The following HTR2C variants were observed in gnomAD, a reference collection of about 807,000 sequenced individuals.
HTR2C encodes 5-hydroxytryptamine receptor 2C, also known as 5-hydroxytryptamine (serotonin) receptor 2C, G protein-coupled.
HTR2C carries 5 observed loss-of-function variants against 21.0 expected under a neutral mutation model. The ratio of observed to expected loss-of-function variants is 0.24; its 90% CI spans 0.12 to 0.50. HTR2C has a LOEUF of 0.50. Among genes scored for constraint, HTR2C ranks in the 20% least tolerant of loss-of-function variants. The pLI is 0.98. For missense variants in HTR2C, 271 were observed against 371.2 expected, an observed-to-expected ratio of 0.73 and a Z score of 2.22; for synonymous variants, 150 against 145.3, an observed-to-expected ratio of 1.03 and a Z score of -0.23.
At chrX:114,701,740 G>T (rs949226261) in intron 2 of HTR2C, among the ~76,000 whole-genome samples, 4 of 112,116 alleles carry the variant, frequency 3.6e-5, no homozygotes, top group East Asian at 2.8e-4. Flanking sequence ...AGAGAAGAAG[G>T]CTTCAGACGA....
chrX:114,814,886 ATATAT>A (rs1170571820), intron 4 of HTR2C, among the ~76,000 whole-genome samples: 6 of 101,612 alleles, frequency 5.9e-5, no homozygotes, highest in Non-Finnish European at 9.9e-5. Context: ...ACTATAGAAT[ATATAT>A]TATAATATTA....
At chrX:114,795,170 G>A (rs1556444822) in intron 4 of HTR2C, among the ~76,000 whole-genome samples, 1 of 110,755 alleles carries the variant, frequency 9.0e-6, no homozygotes, top group African/African-American at 3.3e-5. Context: ...CTGCATAAAT[G>A]TCTTCTTTTG....
intron 2 of HTR2C, among the ~76,000 whole-genome samples, chrX:114,620,988 C>T (rs1239000370): frequency 8.9e-6 from 1 of 111,818 alleles, no homozygotes; most frequent in Non-Finnish European, 1.9e-5. Context: ...TCAGGTGATT[C>T]TCCTGCCTCA....
At chrX:114,822,250 AT>A (rs782743270) in intron 4 of HTR2C, among the ~76,000 whole-genome samples, 71 of 112,287 alleles carry the variant, frequency 6.3e-4, no homozygotes, top group Middle Eastern at 9.2e-3. Flanking sequence ...TCTCTTGTAA[AT>A]AAAATACCAG....
rs1556405752 is a variant in HTR2C at position 114,638,522 on chromosome X, A to ATTTATT, written c.-80+24644_-80+24645insATTTTT. Among the ~76,000 whole-genome samples, 4 of 22,056 alleles carry ATTTATT rather than the reference A, an allele frequency of 1.8e-4. No homozygotes were observed. The Admixed American group carries it at 2.6e-3, about 14-fold the overall frequency. 19.2% of individuals were successfully genotyped at this position (22,056 alleles called of 115,157 possible). ...ACGTTTATTTATTTATTTATTTATT[A>ATTTATT]TTTTTTTCTTTTATTATTATACTTT... is the stretch of plus-strand genomic sequence containing the variant. On this transcript the variant is annotated intron_variant, in intron 2 of 5. Transcript: ENST00000276198.
At chrX:114,630,834 C>T (rs782499590) in intron 2 of HTR2C, 5 of 370,432 alleles carry the variant, frequency 1.3e-5, no homozygotes, top group East Asian at 1.5e-4. Context: ...CCATCTTGAC[C>T]AACTGGGCAT....
intron 5 of HTR2C, among the ~76,000 whole-genome samples, chrX:114,904,010 T>C (rs1556485937): frequency 9.0e-6 from 1 of 111,676 alleles, no homozygotes; most frequent in African/African-American, 3.3e-5. Context: ...TGTCAGAAAA[T>C]GGCCTTCTTC....
chrX:114,874,354 C>T (rs782654514), intron 5 of HTR2C, among the ~76,000 whole-genome samples: 1 of 111,611 alleles, frequency 9.0e-6, no homozygotes, highest in South Asian at 3.7e-4. Context: ...TTTGAGGAAC[C>T]TTCAAACTGT....
chrX:114,734,027 T>G (rs1010390010), intron 4 of HTR2C, among the ~76,000 whole-genome samples: 2 of 111,559 alleles, frequency 1.8e-5, no homozygotes, highest in Non-Finnish European at 3.8e-5. Context: ...TTTGAAGTAG[T>G]AATCTAATAA....
intron 4 of HTR2C, among the ~76,000 whole-genome samples, chrX:114,835,213 T>C (rs2070770012): frequency 1.0e-5 from 1 of 95,717 alleles, no homozygotes; most frequent in Admixed American, 1.2e-4. Flanking sequence ...GGAGTATCTT[T>C]GTGGCATTCT....
chrX:114,850,291 C>A (rs1556468866), intron 5 of HTR2C, among the ~76,000 whole-genome samples: 2 of 110,181 alleles, frequency 1.8e-5, no homozygotes, highest in Non-Finnish European at 3.8e-5. Context: ...CGCCTGTAAT[C>A]CCAGCTACTT....
At chrX:114,685,142 CATTT>C (rs1226311284) in intron 2 of HTR2C, among the ~76,000 whole-genome samples, 2 of 111,282 alleles carry the variant, frequency 1.8e-5, no homozygotes, top group African/African-American at 6.5e-5. Flanking sequence ...TAATTTATAA[CATTT>C]ATACCATAAA....
rs2071378248 is a variant in HTR2C, at chrX:114,906,858, G to A, written c.820G>A (p.Glu274Lys). 1 of 1,208,885 alleles carries A rather than the reference G, an allele frequency of 8.3e-7. No homozygotes were observed. The highest frequency in any genetic ancestry group is 1.8e-5 in the African/African-American group (1 of 56,793). The change falls in exon 6 of 6, where the codon GAA becomes AAA. Residue 274 changes from glutamate (E) to lysine (K), a missense_variant. By Grantham distance (56) the Glu-to-Lys change is moderately conservative. Transcript: ENST00000276198. ...GTGCTGCAAGAGGAATACGGCCGAG[G>A]AAGAGAACTCTGCAAACCCTAACCA... ...LKCCKRNTAE[E>K]ENSANPNQDQ...
At chrX:114,666,497 T>C (rs1038135122) in intron 2 of HTR2C, among the ~76,000 whole-genome samples, 1 of 112,027 alleles carries the variant, frequency 8.9e-6, no homozygotes, top group Admixed American at 9.5e-5. Context: ...GTCATATTAA[T>C]GTTGTCAAGG....
chrX:114,690,971 T>G (rs939961505), intron 2 of HTR2C, among the ~76,000 whole-genome samples: 2 of 111,187 alleles, frequency 1.8e-5, no homozygotes, highest in Non-Finnish European at 3.8e-5. Flanking sequence ...ATACTTTTAC[T>G]TTAGCATCAC....
chrX:114,801,838 G>A (rs1018249618), intron 4 of HTR2C, among the ~76,000 whole-genome samples: 2 of 110,445 alleles, frequency 1.8e-5, no homozygotes, highest in Non-Finnish European at 3.8e-5. Context: ...TAATCCTTTA[G>A]TTATTTAAAA....
At chrX:114,903,864 C>T (rs953491869) in intron 5 of HTR2C, among the ~76,000 whole-genome samples, 1 of 112,010 alleles carries the variant, frequency 8.9e-6, no homozygotes, top group Non-Finnish European at 1.9e-5. Context: ...GAGTCTCTAG[C>T]CCCACGCTGT....
chrX:114,675,007 G>A (rs782522967), intron 2 of HTR2C, among the ~76,000 whole-genome samples: 109 of 112,335 alleles, frequency 9.7e-4, no homozygotes, highest in African/African-American at 3.5e-3. Flanking sequence ...TATGATTAGA[G>A]CTAAATGTCT....
chrX:114,828,218 T>A (rs1556459243), intron 4 of HTR2C, among the ~76,000 whole-genome samples: 1 of 111,573 alleles, frequency 9.0e-6, no homozygotes, highest in Non-Finnish European at 1.9e-5. Context: ...TCATCTCTAC[T>A]CTTCTATTGA....
Sources: allele counts gnomAD v4.1 joint callset (sites outside exome capture counted in the v4.1 genomes callset), GRCh38; gene constraint gnomAD v4.1.1; transcripts MANE v1.5; gene names NCBI Gene and HGNC (gene_info 2026-07-23, HGNC 2026-07-21).